ABTB3: variants seen among roughly 807,000 people sequenced by gnomAD.
ABTB3 encodes ankyrin repeat and BTB domain containing 3, also known as ankyrin repeat- and BTB/POZ domain-containing protein 3.
At chr12:107,320,734 G>A in the ABTB3 span, 1 of 454,632 alleles carries the variant, frequency 2.2e-6, no homozygotes, top group Non-Finnish European at 4.4e-6. Context: ...GGGGGCTGCG[G>A]GATGGACAAA....
At chr12:107,470,026 CTCTCTCTCTTTCTTTCTT>C in the ABTB3 span, among the ~76,000 whole-genome samples, 1 of 138,478 alleles carries the variant, frequency 7.2e-6, no homozygotes, top group Non-Finnish European at 1.6e-5. Flanking sequence ...CTCTCTCTCT[CTCTCTCTCTTTCTTTCTT>C]TCTCTCTTTC....
chr12:107,532,523 A>G, the ABTB3 span, among the ~76,000 whole-genome samples: 1 of 152,244 alleles, frequency 6.6e-6, no homozygotes, highest in Non-Finnish European at 1.5e-5. Flanking sequence ...CACTATAGAT[A>G]CATCTACAGC....
the ABTB3 span, chr12:107,635,334 G>C: frequency 1.2e-6 from 2 of 1,613,910 alleles, no homozygotes; most frequent in African/African-American, 2.7e-5. Flanking sequence ...CACTGCTACG[G>C]GCCCTACCCC....
At chr12:107,430,124 T>A in the ABTB3 span, among the ~76,000 whole-genome samples, 1 of 152,254 alleles carries the variant, frequency 6.6e-6, no homozygotes, top group African/African-American at 2.4e-5. Flanking sequence ...CAGTTGGTAG[T>A]ATATCATGAC....
At chr12:107,328,472 C>G in the ABTB3 span, among the ~76,000 whole-genome samples, 1 of 152,180 alleles carries the variant, frequency 6.6e-6, no homozygotes, top group Admixed American at 6.5e-5. Context: ...GATAAAATGT[C>G]AATCTGAATG....
chr12:107,426,368 C>T, the ABTB3 span, among the ~76,000 whole-genome samples: 1 of 152,136 alleles, frequency 6.6e-6, no homozygotes, highest in African/African-American at 2.4e-5. Flanking sequence ...ATTGGGCTGC[C>T]CTCTGCATCC....
the ABTB3 span, among the ~76,000 whole-genome samples, chr12:107,538,008 C>T: frequency 2.0e-5 from 3 of 152,104 alleles, no homozygotes; most frequent in Non-Finnish European, 4.4e-5. Context: ...AGTCTCCAGG[C>T]CTTTCCAAAG....
At chr12:107,610,300 T>G in the ABTB3 span, 1 of 1,614,148 alleles carries the variant, frequency 6.2e-7, no homozygotes, top group Non-Finnish European at 8.5e-7. Flanking sequence ...ACAGACCTGG[T>G]GAAGCAGGCA....
the ABTB3 span, among the ~76,000 whole-genome samples, chr12:107,484,597 C>CTTTT: frequency 7.1e-6 from 1 of 140,010 alleles, no homozygotes; most frequent in African/African-American, 2.6e-5. Flanking sequence ...TCTGATCTGA[C>CTTTT]TTTTTTTTTT....
the ABTB3 span, among the ~76,000 whole-genome samples, chr12:107,541,913 A>G: frequency 1.5e-5 from 2 of 136,446 alleles, no homozygotes; most frequent in Non-Finnish European, 3.1e-5. Context: ...AACCTAAAAT[A>G]AAAGTTGGAA....
chr12:107,567,484 G>A, the ABTB3 span, among the ~76,000 whole-genome samples: 1 of 152,176 alleles, frequency 6.6e-6, no homozygotes, highest in African/African-American at 2.4e-5. Flanking sequence ...TTCCCATTGT[G>A]TTACAGCTGC....
At chr12:107,407,271 G>A in the ABTB3 span, among the ~76,000 whole-genome samples, 2 of 152,214 alleles carry the variant, frequency 1.3e-5, no homozygotes, top group Admixed American at 1.3e-4. Context: ...CACAGTGGAT[G>A]CTGTTTCTCC....
chr12:107,544,070 T>C, the ABTB3 span: 4 of 1,614,092 alleles, frequency 2.5e-6, no homozygotes, highest in Non-Finnish European at 3.4e-6. Flanking sequence ...TGCTATTTCA[T>C]GCACTGCCCA....
chr12:107,422,590 C>A, the ABTB3 span, among the ~76,000 whole-genome samples: 1,305 of 152,308 alleles, frequency 8.6e-3, 14 homozygotes, highest in African/African-American at 0.017. Context: ...TGGCTTGGAC[C>A]TTGATGGCAG....
chr12:107,651,746 A>G, the ABTB3 span: 2 of 1,614,062 alleles, frequency 1.2e-6, no homozygotes, highest in Admixed American at 1.7e-5. Context: ...TGCGAAAAGC[A>G]TCAATACCGA....
the ABTB3 span, among the ~76,000 whole-genome samples, chr12:107,502,697 G>T: frequency 6.6e-6 from 1 of 152,076 alleles, no homozygotes; most frequent in Non-Finnish European, 1.5e-5. Context: ...CCTGAGTGCC[G>T]CCTCCTGTCC....
the ABTB3 span, among the ~76,000 whole-genome samples, chr12:107,407,164 C>T: frequency 1.3e-5 from 2 of 152,206 alleles, no homozygotes; most frequent in Admixed American, 6.5e-5. Context: ...TCAGTTTGCT[C>T]ATCTGTAAAA....
chr12:107,403,503 T>C, the ABTB3 span, among the ~76,000 whole-genome samples: 2 of 152,128 alleles, frequency 1.3e-5, no homozygotes, highest in African/African-American at 4.8e-5. Context: ...CTTCCCACAA[T>C]GGGCCTACAG....
chr12:107,557,221 G>A, the ABTB3 span, among the ~76,000 whole-genome samples: 6 of 152,124 alleles, frequency 3.9e-5, no homozygotes, highest in Non-Finnish European at 8.8e-5. Context: ...GTATAGCCTC[G>A]CCTCCACACC....
Sources: gnomAD v4.1 joint callset for allele counts (sites outside exome capture counted in the v4.1 genomes callset) on GRCh38, gnomAD v4.1.1 for gene constraint, MANE v1.5 for transcripts, NCBI Gene and HGNC (gene_info 2026-07-23, HGNC 2026-07-21) for gene names.